Variants in GLI2 observed in about 807,000 individuals in gnomAD.
The protein encoded by GLI2 is GLI family zinc finger 2, also known as transcription activator GLI2.
In GLI2, 22 loss-of-function variants were observed where a neutral mutation model predicts 78.9. The ratio of observed to expected loss-of-function variants is 0.28; its 90% CI spans 0.20 to 0.40. The LOEUF (loss-of-function observed/expected upper bound fraction) is 0.40, where lower values mean the gene tolerates loss of function less well. Among genes scored for constraint, GLI2 ranks in the 10% least tolerant of loss-of-function variants. The pLI is 1.00. For missense variants in GLI2, 2,097 were observed against 2,213.2 expected, an observed-to-expected ratio of 0.95 and a Z score of 1.05; for synonymous variants, 974 against 963.7, an observed-to-expected ratio of 1.01 and a Z score of -0.20.
At position 120,926,004 on chromosome 2, in the gene GLI2, C is replaced by T. The variant is rs112535853; in HGVS notation, c.149-1357C>T. On this transcript the variant is annotated intron_variant, in intron 2 of 13. Coordinates refer to ENST00000361492, the MANE Select transcript of GLI2 (RefSeq NM_001374353.1). The stretch of plus-strand genomic sequence containing the variant: ...AGGAGAATGGTGTGAACCCAGGAGG[C>T]GGAGCTTGCAGTGAGCCGAGATCGC... Among the ~76,000 whole-genome samples, 334 of 120,278 alleles carry T rather than the reference C, an allele frequency of 2.8e-3. 2 individuals carry two copies. Among genetic ancestry groups the T allele is most frequent in the African/African-American group, 0.01 (321 of 32,092 alleles). The allele number at this position is 120,278 out of a possible 152,430, so 78.9% of individuals were successfully genotyped here. A position where few individuals can be genotyped will look rare whatever the true frequency, so the allele number is the denominator to read the frequency against.
At chr2:120,916,866 A>G (rs1268065946) in intron 2 of GLI2, among the ~76,000 whole-genome samples, 5 of 152,194 alleles carry the variant, frequency 3.3e-5, no homozygotes, top group Non-Finnish European at 7.3e-5. Flanking sequence ...TCTGAACTAC[A>G]TCGTATCCCT....
intron 2 of GLI2, among the ~76,000 whole-genome samples, chr2:120,871,781 T>A (rs1374189341): frequency 2.0e-5 from 3 of 152,228 alleles, no homozygotes; most frequent in Non-Finnish European, 4.4e-5. Flanking sequence ...ATGTAGCAAT[T>A]TGTCTTTTTT....
At chr2:120,937,571 C>G (rs535536086) in intron 3 of GLI2, among the ~76,000 whole-genome samples, 110 of 152,302 alleles carry the variant, frequency 7.2e-4, no homozygotes, top group African/African-American at 2.6e-3. Context: ...AAGGCCTCCC[C>G]CCACGTCCCA....
chr2:120,913,863 C>T (rs1678955012), intron 2 of GLI2, among the ~76,000 whole-genome samples: 1 of 152,200 alleles, frequency 6.6e-6, no homozygotes, highest in African/African-American at 2.4e-5. Flanking sequence ...CCTGGGAAAC[C>T]ATCACCAGGG....
At chr2:120,971,387 A>G (rs926961872) in intron 7 of GLI2, among the ~76,000 whole-genome samples, 1 of 152,254 alleles carries the variant, frequency 6.6e-6, no homozygotes, top group Non-Finnish European at 1.5e-5. Context: ...CTTGGAAGGA[A>G]GACAGGACAC....
intron 2 of GLI2, among the ~76,000 whole-genome samples, chr2:120,906,135 C>T (rs752357239): frequency 3.9e-5 from 6 of 152,310 alleles, no homozygotes; most frequent in East Asian, 1.9e-4. Context: ...TCAGGCAGCA[C>T]GGTGCGGGGC....
chr2:120,738,232 C>T (rs1682428825), intron 1 of GLI2, among the ~76,000 whole-genome samples: 1 of 152,188 alleles, frequency 6.6e-6, no homozygotes, highest in Non-Finnish European at 1.5e-5. Flanking sequence ...AATCCAGATC[C>T]ATCAGGGGCC....
At chr2:120,806,546 C>G (rs979953763) in intron 2 of GLI2, among the ~76,000 whole-genome samples, 1 of 152,094 alleles carries the variant, frequency 6.6e-6, no homozygotes, top group African/African-American at 2.4e-5. Context: ...CAGAGTGGCC[C>G]CCTGGGAGTG....
At chr2:120,879,111 T>A (rs2104703510) in intron 2 of GLI2, among the ~76,000 whole-genome samples, 1 of 152,240 alleles carries the variant, frequency 6.6e-6, no homozygotes, top group South Asian at 2.1e-4. Flanking sequence ...GGGCCTGGCA[T>A]TAGCTCATGG....
chr2:120,828,721 A>T (rs1406005766), intron 2 of GLI2, among the ~76,000 whole-genome samples: 1 of 152,180 alleles, frequency 6.6e-6, no homozygotes, highest in Non-Finnish European at 1.5e-5. Flanking sequence ...ATGCTTGAGG[A>T]TGAGGTTTAA....
intron 2 of GLI2, among the ~76,000 whole-genome samples, chr2:120,897,867 C>T (rs1678055964): frequency 6.6e-6 from 1 of 152,132 alleles, no homozygotes; most frequent in Admixed American, 6.5e-5. Context: ...TATGAGACCT[C>T]TTTAAGGTGC....
At chr2:120,757,494 G>T (rs748410499) in intron 1 of GLI2, among the ~76,000 whole-genome samples, 5 of 152,176 alleles carry the variant, frequency 3.3e-5, no homozygotes, top group Non-Finnish European at 7.3e-5. Context: ...CAGTCTGGCT[G>T]GTGGGCATAG....
chr2:120,855,819 C>A (rs1002816283), intron 2 of GLI2, among the ~76,000 whole-genome samples: 4 of 152,180 alleles, frequency 2.6e-5, no homozygotes, highest in African/African-American at 4.8e-5. Flanking sequence ...GGTGGAGCAG[C>A]CTTCCAGCCC....
chr2:120,951,294 G>A lies in GLI2; in HGVS notation c.306G>A (p.Arg102=), dbSNP rs1406438146. 6.2e-7 allele frequency: 1 copy of A among 1,612,334 alleles called. No homozygotes were observed. Among genetic ancestry groups the A allele is most frequent in the Non-Finnish European group, 8.5e-7 (1 of 1,178,530 alleles). Residue 102 remains arginine (R), a synonymous_variant, in exon 4 of 14, where the codon CGG becomes CGA. Transcript: ENST00000361492. ...SPVISDISLI[R]LSPHPAGPGE... Reference sequence around the variant, plus strand: ...TCATCTCTGACATCTCCTTGATCCGGCTTTCCCCGCACCCGGCTGGCCCTG... The same window carrying A: ...TCATCTCTGACATCTCCTTGATCCGACTTTCCCCGCACCCGGCTGGCCCTG...
intron 1 of GLI2, among the ~76,000 whole-genome samples, chr2:120,760,522 A>C (rs1683181801): frequency 6.6e-6 from 1 of 152,162 alleles, no homozygotes; most frequent in Non-Finnish European, 1.5e-5. Context: ...TGGCACTTGT[A>C]TGTAGAGACA....
rs192399826 is a variant in GLI2, at chr2:120,848,237, G to A, written c.148+50769G>A. Among the ~76,000 whole-genome samples, 57 of 152,314 alleles carry A rather than the reference G, an allele frequency of 3.7e-4. 1 individual carries two copies. The East Asian group carries it at 0.011, about 29-fold the overall frequency. ...GCCTGGTTGCAATAGTCCTGGAAGG[G>A]GCGGCGGAGCAAGCAGAAGCCTCCT... On this transcript the variant is annotated intron_variant, in intron 2 of 13. Transcript: ENST00000361492.
intron 2 of GLI2, among the ~76,000 whole-genome samples, chr2:120,834,387 G>A (rs891785712): frequency 6.6e-6 from 1 of 152,196 alleles, no homozygotes; most frequent in African/African-American, 2.4e-5. Flanking sequence ...CTGGGCCATA[G>A]GGGCCATCGC....
chr2:120,911,721 G>C (rs1678828921), intron 2 of GLI2, among the ~76,000 whole-genome samples: 3 of 152,122 alleles, frequency 2.0e-5, no homozygotes, highest in Non-Finnish European at 2.9e-5. Context: ...TCTGCCTGCG[G>C]TGGAGGGGGG....
intron 3 of GLI2, among the ~76,000 whole-genome samples, chr2:120,945,195 T>C (rs1263050952): frequency 1.3e-5 from 2 of 152,206 alleles, no homozygotes; most frequent in Non-Finnish European, 2.9e-5. Context: ...GGAAGAAGCA[T>C]AGGCGTCCTC....
Sources: gnomAD v4.1 joint callset for allele counts (sites outside exome capture counted in the v4.1 genomes callset) on GRCh38, gnomAD v4.1.1 for gene constraint, MANE v1.5 for transcripts, NCBI Gene and HGNC (gene_info 2026-07-23, HGNC 2026-07-21) for gene names.